BRCA2: variants seen among roughly 807,000 people sequenced by gnomAD.
The protein encoded by BRCA2 is BRCA2 DNA repair associated, also known as breast cancer type 2 susceptibility protein.
In BRCA2, 203 loss-of-function variants were observed where a neutral mutation model predicts 276.7. That is an observed-to-expected ratio of 0.73 (90% CI 0.65 to 0.82). The LOEUF (loss-of-function observed/expected upper bound fraction) is 0.82. Ranked by LOEUF, BRCA2 falls within the 40% of genes least tolerant of loss-of-function variation. BRCA2 has a pLI of 0.00. For synonymous variants in BRCA2, 1,289 were observed against 1,338.4 expected (o/e 0.96, Z 0.81); for missense variants, 3,920 against 3,915.0 (o/e 1.00, Z -0.03).
intron 25 of BRCA2, 166 bp from the exon 26 acceptor site, chr13:32,396,732 G>C: frequency 1.3e-6 from 1 of 787,200 alleles, no homozygotes; most frequent in Non-Finnish European, 2.1e-6. Context: ...ACTGATACTG[G>C]TTTTGTAATT....
chr13:32,388,521 G>A (rs533219872), intron 24 of BRCA2, among the ~76,000 whole-genome samples: 2 of 152,094 alleles, frequency 1.3e-5, no homozygotes, highest in South Asian at 2.1e-4. Flanking sequence ...AATTACATGA[G>A]ATATTCAACA....
At chr13:32,316,158 G>T (rs766738937) in intron 1 of BRCA2, among the ~76,000 whole-genome samples, 1 of 152,172 alleles carries the variant, frequency 6.6e-6, no homozygotes, top group Non-Finnish European at 1.5e-5. Context: ...CGCGTCACTG[G>T]TTAGCGTGAT....
Position 32,398,926 on chromosome 13 carries a change from C to T in BRCA2, c.*156C>T, listed in dbSNP as rs982251661. The T allele has an allele frequency of 6.1e-5, 56 of 922,304 alleles. No individual in the cohort carries two copies. Among genetic ancestry groups the T allele is most frequent in the Non-Finnish European group, 7.7e-5 (49 of 639,970 alleles). 57.1% of individuals were successfully genotyped at this position (922,304 alleles called of 1,614,324 possible). ...CAGCGTTTGTGTATCGGGCAAAAAT[C>T]GTTTTGCCCGATTCCGTATTGGTAT... On this transcript the variant is annotated 3_prime_UTR_variant, in exon 27 of 27. Transcript: ENST00000380152.
intron 13 of BRCA2, among the ~76,000 whole-genome samples, chr13:32,350,157 C>G (rs144196305): frequency 1.3e-5 from 2 of 152,030 alleles, no homozygotes; most frequent in Non-Finnish European, 2.9e-5. Context: ...TTCAAAACAG[C>G]CTTTTGGTCC....
At chr13:32,334,860 TGCAACAGTTCACTTA>T (rs2072436017) in intron 10 of BRCA2, among the ~76,000 whole-genome samples, 1 of 152,186 alleles carries the variant, frequency 6.6e-6, no homozygotes, top group Non-Finnish European at 1.5e-5. Context: ...TCTTTGTTGT[TGCAACAGTTCACTTA>T]GCAACTAAAC....
At chr13:32,354,761 G>A in intron 13 of BRCA2, 100 bp from the exon 14 acceptor site, 1 of 840,166 alleles carries the variant, frequency 1.2e-6, no homozygotes, top group Non-Finnish European at 2.0e-6. Flanking sequence ...TACCAGAATA[G>A]TATCACCATG....
At chr13:32,395,052 T>A in intron 25 of BRCA2, 119 bp downstream of exon 25, 1 of 1,387,570 alleles carries the variant, frequency 7.2e-7, no homozygotes, top group Non-Finnish European at 9.9e-7. Flanking sequence ...AGGTAAAGTT[T>A]AATCATATAT....
chr13:32,321,330 C>G (rs1422807312), intron 3 of BRCA2, among the ~76,000 whole-genome samples: 1 of 152,124 alleles, frequency 6.6e-6, no homozygotes, highest in Non-Finnish European at 1.5e-5. Flanking sequence ...GTCTCGTAAG[C>G]ACGTCTTGTA....
At position 32,332,680 on chromosome 13, in the gene BRCA2, C is replaced by G. The variant is rs80358413; in HGVS notation, c.1202C>G (p.Ser401Ter). The G allele has an allele frequency of 6.2e-7, 1 of 1,613,942 alleles. No individual in the cohort carries two copies. Among genetic ancestry groups the G allele is most frequent in the Non-Finnish European group, 8.5e-7 (1 of 1,179,948 alleles). Residue 401 changes from serine (S) to a stop codon, truncating the protein, a stop_gained, in exon 10 of 27, where the codon TCA becomes TGA. Transcript: ENST00000380152. LOFTEE classifies it high-confidence loss of function. ...TGTGAATGGTCTCAACTAACCCTTT[C>G]AGGTCTAAATGGAGCCCAGATGGAG... is the stretch of plus-strand genomic sequence containing the variant. ...LACEWSQLTL[S>*]GLNGAQMEKI...
At chr13:32,330,172 G>A (rs1260216747) in intron 8 of BRCA2, among the ~76,000 whole-genome samples, 1 of 152,074 alleles carries the variant, frequency 6.6e-6, no homozygotes, top group Non-Finnish European at 1.5e-5. Flanking sequence ...ATGCTTTCTG[G>A]CGTAATATGT....
chr13:32,360,467 C>T (rs569444260), intron 16 of BRCA2, among the ~76,000 whole-genome samples: 1 of 152,292 alleles, frequency 6.6e-6, no homozygotes, highest in East Asian at 1.9e-4. Flanking sequence ...TCAAGCGATT[C>T]TCCTGCCTCA....
chr13:32,344,478 A>G (rs1291518829), intron 11 of BRCA2, 80 bp from the exon 12 acceptor site: 1 of 903,186 alleles, frequency 1.1e-6, no homozygotes, highest in Non-Finnish European at 1.7e-6. Context: ...CTTTAGCTTT[A>G]AAAAAATGGT....
rs11571590 is a variant in BRCA2 at position 32,320,347 on chromosome 13, G to A, written c.316+1022G>A. On this transcript the variant is annotated intron_variant, in intron 3 of 26. Transcript: ENST00000380152. ...CTTGATATGGCTTTCAAGTTCCTTT[G>A]TGATCAGGCCCCTGATTTACACTCT... 0.025 allele frequency among the ~76,000 whole-genome samples: 3,757 copies of A among 152,212 alleles called. 98 individuals are homozygous for A. Among genetic ancestry groups the A allele is most frequent in the South Asian group, 0.12 (589 of 4,826 alleles).
At chr13:32,355,876 C>CT (rs1419955562) in intron 14 of BRCA2, among the ~76,000 whole-genome samples, 1 of 151,454 alleles carries the variant, frequency 6.6e-6, no homozygotes, top group Middle Eastern at 3.2e-3. Flanking sequence ...GTGAAAAACT[C>CT]TGTCTCAAAA....
intron 13 of BRCA2, among the ~76,000 whole-genome samples, chr13:32,353,555 C>G (rs1485758276): frequency 1.3e-5 from 2 of 152,178 alleles, no homozygotes. Context: ...TCCCCTTGCT[C>G]TCCTTGCTCC....
intron 20 of BRCA2, among the ~76,000 whole-genome samples, chr13:32,371,647 A>T (rs537420938): frequency 6.6e-6 from 1 of 152,044 alleles, no homozygotes; most frequent in Non-Finnish European, 1.5e-5. Context: ...ATTGCTCCTT[A>T]TGCTTTATTT....
chr13:32,345,689 G>GA (rs1490438060), intron 12 of BRCA2, among the ~76,000 whole-genome samples: 1 of 151,906 alleles, frequency 6.6e-6, no homozygotes, highest in Non-Finnish European at 1.5e-5. Context: ...TGAGATATCT[G>GA]GGGATAGGAC....
rs148618542 is a variant in BRCA2 at position 32,340,324 on chromosome 13, A to C, written c.5969A>C (p.Asp1990Ala). 2.5e-5 allele frequency: 41 copies of C among 1,614,068 alleles called. No homozygotes were observed. In the East Asian group the frequency reaches 9.1e-4, roughly 36 times the overall value. Residue 1990 changes from aspartate (D) to alanine (A), a missense_variant, in exon 11 of 27, where the codon GAT (aspartate) becomes GCT (alanine). Transcript: ENST00000380152. ...AGTGGAAAATCTGTCCAGGTATCAG[A>C]TGCTTCATTACAAAACGCAAGACAA... is the stretch of plus-strand genomic sequence containing the variant. The part of the protein sequence containing the change: ...TASGKSVQVS[D>A]ASLQNARQVF...
chr13:32,381,768 A>C (rs1214012812), intron 24 of BRCA2, among the ~76,000 whole-genome samples: 5 of 152,164 alleles, frequency 3.3e-5, no homozygotes, highest in Non-Finnish European at 7.3e-5. Context: ...AATAGGCTGT[A>C]GGGGGCACAA....
Sources: allele counts gnomAD v4.1 joint callset (sites outside exome capture counted in the v4.1 genomes callset), GRCh38; gene constraint gnomAD v4.1.1; transcripts MANE v1.5; gene names NCBI Gene and HGNC (gene_info 2026-07-23, HGNC 2026-07-21).